SPICE1: variants seen among roughly 807,000 people sequenced by gnomAD.
SPICE1 encodes the protein spindle and centriole associated protein 1, also known as spindle and centriole-associated protein 1.
SPICE1 carries 75 observed loss-of-function variants against 102.7 expected under a neutral mutation model. That is an observed-to-expected ratio of 0.73 (90% CI 0.61 to 0.88). The LOEUF (loss-of-function observed/expected upper bound fraction) is 0.88, where lower values mean the gene tolerates loss of function less well. Ranked by LOEUF, SPICE1 falls within the 40% of genes least tolerant of loss-of-function variation. The pLI, the probability that SPICE1 is intolerant of heterozygous loss-of-function variation, is 0.00. For synonymous variants in SPICE1, 308 were observed against 350.3 expected (o/e 0.88, Z 1.35); for missense variants, 979 against 1,020.1 (o/e 0.96, Z 0.55).
At chr3:113,468,117 T>A in intron 10 of SPICE1, 22 bp downstream of exon 10, 1 of 1,578,416 alleles carries the variant, frequency 6.3e-7, no homozygotes, top group Non-Finnish European at 8.6e-7. Context: ...AAAAGAAGAC[T>A]CTACTAACCT....
chr3:113,462,836 T>C lies in SPICE1; in HGVS notation c.1288-2072A>G, dbSNP rs542244271. 2.0e-5 allele frequency among the ~76,000 whole-genome samples: 3 copies of C among 152,186 alleles called. No individual in the cohort carries two copies. In the South Asian group the frequency reaches 6.2e-4, roughly 32 times the overall value. The stretch of plus-strand genomic sequence containing the variant: ...GTGATCCTCTTAAACCCAAGACAAA[T>C]CACGTCTCTTCTCTTTAGTGGTTTC... On this transcript the variant is annotated intron_variant, in intron 11 of 17. Coordinates refer to ENST00000295872, the MANE Select transcript of SPICE1 (RefSeq NM_144718.4).
At chr3:113,505,987 C>T (rs1014354552) in intron 2 of SPICE1, among the ~76,000 whole-genome samples, 1 of 152,202 alleles carries the variant, frequency 6.6e-6, no homozygotes, top group African/African-American at 2.4e-5. Context: ...ACAGGTACTT[C>T]AGCCTTGTCT....
chr3:113,500,997 C>T (rs1936996900), intron 3 of SPICE1, among the ~76,000 whole-genome samples: 1 of 152,118 alleles, frequency 6.6e-6, no homozygotes, highest in African/African-American at 2.4e-5. Context: ...GTTTCAAAAA[C>T]AGGACTTCAA....
intron 4 of SPICE1, among the ~76,000 whole-genome samples, chr3:113,496,044 A>AT (rs11308356): frequency 1.8e-4 from 22 of 124,168 alleles, no homozygotes; most frequent in East Asian, 1.3e-3. Context: ...ACATTATGAG[A>AT]TTTTTTTTTT....
chr3:113,509,935 T>C (rs1036943769), intron 1 of SPICE1, among the ~76,000 whole-genome samples: 6 of 152,232 alleles, frequency 3.9e-5, no homozygotes, highest in Admixed American at 1.3e-4. Flanking sequence ...GGTACCTGCT[T>C]CTGTTTGGCC....
Position 113,509,598 on chromosome 3 carries a change from G to C in SPICE1, c.1-2993C>G, listed in dbSNP as rs898690724. ...TCTTGAGAGACAATATAGTATAAAG[G>C]CTAAGAATACAGTCTGGAATCACTG... is the stretch of plus-strand genomic sequence containing the variant. On this transcript the variant is annotated intron_variant, in intron 1 of 17. Transcript: ENST00000295872. Among the ~76,000 whole-genome samples the C allele has an allele frequency of 2.6e-5, 4 of 152,270 alleles. No homozygotes were observed. The East Asian group carries it at 7.7e-4, about 29-fold the overall frequency.
chr3:113,470,927 A>G (rs1343412643), intron 7 of SPICE1, among the ~76,000 whole-genome samples: 27 of 152,260 alleles, frequency 1.8e-4, no homozygotes, highest in Non-Finnish European at 5.9e-5. Context: ...TTTTGAAAGC[A>G]GACAACTTGT....
intron 17 of SPICE1, among the ~76,000 whole-genome samples, chr3:113,446,291 C>A (rs1935511272): frequency 6.6e-6 from 1 of 152,000 alleles, no homozygotes; most frequent in South Asian, 2.1e-4. Context: ...CCATTCAAGG[C>A]ACACCTGTGT....
intron 11 of SPICE1, among the ~76,000 whole-genome samples, chr3:113,463,084 C>G (rs1436846002): frequency 6.6e-6 from 1 of 152,206 alleles, no homozygotes. Flanking sequence ...TCTCAGCTAC[C>G]CACATGCTCA....
intron 10 of SPICE1, among the ~76,000 whole-genome samples, chr3:113,467,850 T>C (rs1020013836): frequency 6.6e-6 from 1 of 152,206 alleles, no homozygotes; most frequent in Admixed American, 6.5e-5. Context: ...AACAGTAATA[T>C]TTAATATTAG....
chr3:113,474,770 C>G (rs1936296411), intron 7 of SPICE1, among the ~76,000 whole-genome samples: 1 of 152,074 alleles, frequency 6.6e-6, no homozygotes, highest in African/African-American at 2.4e-5. Flanking sequence ...ACCAGAATCT[C>G]TGGGACACAC....
At chr3:113,481,877 A>G (rs1224409670) in intron 7 of SPICE1, among the ~76,000 whole-genome samples, 1 of 152,164 alleles carries the variant, frequency 6.6e-6, no homozygotes, top group Non-Finnish European at 1.5e-5. Flanking sequence ...CAATAAACAT[A>G]TGTGTCCATG....
At chr3:113,499,844 G>A (rs1337391897) in intron 3 of SPICE1, among the ~76,000 whole-genome samples, 2 of 152,148 alleles carry the variant, frequency 1.3e-5, no homozygotes, top group Non-Finnish European at 2.9e-5. Flanking sequence ...TTTTCTGCAA[G>A]ACTATCCAGC....
intron 16 of SPICE1, 55 bp downstream of exon 16, chr3:113,447,983 A>G (rs1935554449): frequency 6.7e-7 from 1 of 1,490,206 alleles, no homozygotes; most frequent in African/African-American, 1.4e-5. Flanking sequence ...AATAAAATAC[A>G]TACCAAATTC....
chr3:113,468,426 C>G (rs1294228628), intron 9 of SPICE1, 22 bp from the exon 10 acceptor site: 1 of 1,604,792 alleles, frequency 6.2e-7, no homozygotes, highest in Non-Finnish European at 8.5e-7. Flanking sequence ...AGAAGTCATT[C>G]TATTTTAAGA....
intron 7 of SPICE1, among the ~76,000 whole-genome samples, chr3:113,471,098 G>A (rs1936184879): frequency 6.6e-6 from 1 of 152,052 alleles, no homozygotes; most frequent in Admixed American, 6.6e-5. Context: ...GAAGGATATT[G>A]GGATGGATCT....
In SPICE1 at chr3:113,445,375, C is replaced by T. The variant is rs1935489519; in HGVS notation, c.2515-15G>A. The stretch of plus-strand genomic sequence containing the variant: ...TGTTTCTCAATCTGTTGAACAAAGA[C>T]ACGGAAAAAATTTAGATGGTAATTA... On this transcript the variant is annotated splice_polypyrimidine_tract_variant and intron_variant, in intron 17 of 17. Transcript: ENST00000295872. The T allele has an allele frequency of 1.2e-6, 2 of 1,611,382 alleles. No homozygotes were observed. The highest frequency in any genetic ancestry group is 1.3e-5 in the African/African-American group (1 of 74,932).
chr3:113,446,607 A>C lies in SPICE1; in HGVS notation c.2496T>G (p.Pro832=). The C allele has an allele frequency of 1.9e-6, 3 of 1,613,540 alleles. No individual in the cohort carries two copies. The highest frequency in any genetic ancestry group is 2.5e-6 in the Non-Finnish European group (3 of 1,179,636). ...CGTGTACCTTTGCTCTTGGATTAAG[A>C]GGTGTGAATCTCCCACTTCCTGAGG... ...NATSGSGRFT[P]LNPRAKIEKQ... is the part of the protein sequence containing the mutation. The change falls in exon 17 of 18, where the codon CCT becomes CCG. Residue 832 remains proline (P), a synonymous_variant. Coordinates refer to ENST00000295872, the MANE Select transcript of SPICE1 (RefSeq NM_144718.4).
At chr3:113,466,622 A>AG (rs1936064790) in intron 10 of SPICE1, among the ~76,000 whole-genome samples, 1 of 151,924 alleles carries the variant, frequency 6.6e-6, no homozygotes, top group Non-Finnish European at 1.5e-5. Flanking sequence ...AAAAAAAAAA[A>AG]AAGTACATGC....
Sources: gnomAD v4.1 joint callset for allele counts (sites outside exome capture counted in the v4.1 genomes callset) on GRCh38, gnomAD v4.1.1 for gene constraint, MANE v1.5 for transcripts, NCBI Gene and HGNC (gene_info 2026-07-23, HGNC 2026-07-21) for gene names.